The following MALRD1 variants were observed in gnomAD, a reference collection of about 807,000 sequenced individuals.
MALRD1 encodes the protein MAM and LDL-receptor class A domain-containing protein 1.
MALRD1 carries 247 observed loss-of-function variants against 242.1 expected under a neutral mutation model. The ratio of observed to expected loss-of-function variants is 1.02; its 90% CI spans 0.92 to 1.13. The LOEUF (loss-of-function observed/expected upper bound fraction) is 1.13, where lower values mean the gene tolerates loss of function less well. Among genes scored for constraint, MALRD1 ranks in the 50% most tolerant of loss-of-function variants. The pLI is 0.00. For missense variants in MALRD1, 2,989 were observed against 2,533.1 expected (o/e 1.18, Z -3.86); for synonymous variants, 995 against 866.6 (o/e 1.15, Z -2.60).
intron 28 of MALRD1, among the ~76,000 whole-genome samples, chr10:19,441,018 T>G (rs1167999971): frequency 3.3e-5 from 5 of 152,126 alleles, no homozygotes; most frequent in African/African-American, 1.2e-4. Flanking sequence ...GTTTCCTGAC[T>G]TTTTAATGAT....
intron 14 of MALRD1, among the ~76,000 whole-genome samples, chr10:19,176,467 C>T (rs919309726): frequency 6.9e-5 from 10 of 144,142 alleles, no homozygotes; most frequent in African/African-American, 2.6e-4. Flanking sequence ...CTCCGCTTCC[C>T]GGGTTCAAGC....
intron 4 of MALRD1, among the ~76,000 whole-genome samples, chr10:19,094,538 A>G (rs1412191801): frequency 6.6e-6 from 1 of 151,122 alleles, no homozygotes; most frequent in Non-Finnish European, 1.5e-5. Context: ...GGAAATGCAG[A>G]AATCACCCGT....
intron 34 of MALRD1, among the ~76,000 whole-genome samples, chr10:19,600,345 T>C (rs7918094): frequency 0.51 from 78,238 of 152,014 alleles, 20,268 homozygotes; most frequent in African/African-American, 0.53. Flanking sequence ...TTCAGGGAGA[T>C]ATTGGAGGAC....
chr10:19,215,349 T>A (rs986201360), intron 18 of MALRD1, among the ~76,000 whole-genome samples: 1 of 152,212 alleles, frequency 6.6e-6, no homozygotes, highest in African/African-American at 2.4e-5. Context: ...ATGTCTATGA[T>A]GTTGGCTATT....
At chr10:19,683,415 T>C (rs1197458082) in intron 36 of MALRD1, among the ~76,000 whole-genome samples, 1 of 152,234 alleles carries the variant, frequency 6.6e-6, no homozygotes, top group African/African-American at 2.4e-5. Flanking sequence ...TGTATTTTCA[T>C]GTGCATCGTA....
At chr10:19,261,102 G>A (rs769025576) in intron 19 of MALRD1, among the ~76,000 whole-genome samples, 2 of 152,202 alleles carry the variant, frequency 1.3e-5, no homozygotes, top group Admixed American at 6.5e-5. Context: ...AAAGAACACA[G>A]AAAAGAAACA....
intron 28 of MALRD1, among the ~76,000 whole-genome samples, chr10:19,413,564 A>AG (rs1452323877): frequency 4.5e-5 from 1 of 22,326 alleles, no homozygotes; most frequent in Non-Finnish European, 1.5e-4. Flanking sequence ...TTTAATCATG[A>AG]AAAAAAAAGG....
intron 12 of MALRD1, among the ~76,000 whole-genome samples, chr10:19,157,634 G>A (rs1022107654): frequency 3.3e-5 from 5 of 152,082 alleles, no homozygotes; most frequent in South Asian, 2.1e-4. Context: ...CCAATCCTCC[G>A]AATTGGAACG....
At chr10:19,062,212 C>T (rs1305142688) in intron 1 of MALRD1, among the ~76,000 whole-genome samples, 1 of 152,100 alleles carries the variant, frequency 6.6e-6, no homozygotes, top group African/African-American at 2.4e-5. Context: ...ATAAAAACCA[C>T]AATGAGATAC....
At chr10:19,180,847 T>C (rs1835472508) in intron 14 of MALRD1, among the ~76,000 whole-genome samples, 2 of 152,168 alleles carry the variant, frequency 1.3e-5, no homozygotes. Context: ...TCAAAATTTA[T>C]GAAGATTTTA....
chr10:19,494,240 G>A (rs879693159), intron 30 of MALRD1, among the ~76,000 whole-genome samples: 15 of 152,142 alleles, frequency 9.9e-5, no homozygotes, highest in Non-Finnish European at 1.9e-4. Flanking sequence ...CCTGAGCAAA[G>A]CCTCAGCCCT....
chr10:19,467,392 C>CAAA lies in MALRD1; in HGVS notation c.5029+16920_5029+16922dup, dbSNP rs71387079. 3.0e-3 allele frequency among the ~76,000 whole-genome samples: 162 copies of CAAA among 53,718 alleles called. 16 individuals are homozygous for CAAA. Among genetic ancestry groups the CAAA allele is most frequent in the Admixed American group, 5.9e-3 (17 of 2,862 alleles). 35.2% of individuals were successfully genotyped at this position (53,718 alleles called of 152,430 possible). A position where few individuals can be genotyped will look rare whatever the true frequency, so the allele number is the denominator to read the frequency against. On this transcript the variant is annotated intron_variant, in intron 29 of 39. Coordinates refer to ENST00000454679, the MANE Select transcript of MALRD1 (RefSeq NM_001142308.3). ...TGGGCAACACAGCGAGACTCCGTCT[C>CAAA]AAAAAAAAAAAAAAAAAAAAGAAAA...
chr10:19,309,179 C>A (rs909414855), intron 21 of MALRD1, among the ~76,000 whole-genome samples: 4 of 151,454 alleles, frequency 2.6e-5, no homozygotes, highest in African/African-American at 9.7e-5. Flanking sequence ...TTGATTCTCA[C>A]AGAGGTGATT....
intron 19 of MALRD1, among the ~76,000 whole-genome samples, chr10:19,266,407 A>G (rs1259955417): frequency 6.6e-6 from 1 of 151,942 alleles, no homozygotes; most frequent in African/African-American, 2.4e-5. Flanking sequence ...TGTGTTTAAC[A>G]TAAGGCTTAT....
chr10:19,380,901 G>A (rs866230083), intron 26 of MALRD1, among the ~76,000 whole-genome samples: 10 of 96,446 alleles, frequency 1.0e-4, no homozygotes, highest in Non-Finnish European at 1.9e-4. Flanking sequence ...ACGTTCTGTA[G>A]CAATTTCTTT....
intron 36 of MALRD1, among the ~76,000 whole-genome samples, chr10:19,651,930 T>G (rs561117047): frequency 5.3e-5 from 8 of 152,180 alleles, no homozygotes; most frequent in African/African-American, 1.9e-4. Context: ...AGAACAAGGC[T>G]TGGGGTCTAT....
At chr10:19,666,862 A>G (rs1841703165) in intron 36 of MALRD1, among the ~76,000 whole-genome samples, 1 of 152,216 alleles carries the variant, frequency 6.6e-6, no homozygotes, top group Non-Finnish European at 1.5e-5. Flanking sequence ...AAAAAAGTTA[A>G]TAACATTTTA....
intron 36 of MALRD1, among the ~76,000 whole-genome samples, chr10:19,658,435 AAG>A (rs1209631546): frequency 1.3e-5 from 2 of 152,226 alleles, no homozygotes; most frequent in Non-Finnish European, 2.9e-5. Context: ...TAGCTTTTGA[AAG>A]AGAGCAGGAG....
intron 33 of MALRD1, among the ~76,000 whole-genome samples, chr10:19,588,663 G>C (rs574526249): frequency 6.6e-6 from 1 of 152,260 alleles, no homozygotes; most frequent in African/African-American, 2.4e-5. Context: ...TGTATGTAGA[G>C]ACGGAGTCTT....
Sources: gnomAD v4.1 joint callset for allele counts (sites outside exome capture counted in the v4.1 genomes callset) on GRCh38, gnomAD v4.1.1 for gene constraint, MANE v1.5 for transcripts, NCBI Gene and HGNC (gene_info 2026-07-23, HGNC 2026-07-21) for gene names.